Variants in ANXA6 observed in about 807,000 individuals in gnomAD.
ANXA6 encodes the protein 67 kDa calelectrin.
A neutral mutation model predicts 95.4 loss-of-function variants in ANXA6; 71 were observed. The ratio of observed to expected loss-of-function variants is 0.74; its 90% CI spans 0.61 to 0.91. The LOEUF is 0.91. Among genes scored for constraint, ANXA6 ranks in the 40% least tolerant of loss-of-function variants. ANXA6 has a pLI of 0.00. For missense variants in ANXA6, 830 were observed against 876.4 expected, an observed-to-expected ratio of 0.95 and a Z score of 0.67; for synonymous variants, 289 against 315.9, an observed-to-expected ratio of 0.91 and a Z score of 0.90.
Position 151,101,892 on chromosome 5 carries a change from T to C in ANXA6, c.1963-385A>G, listed in dbSNP as rs113570348. ...CAGGGCCCTCTCCTCTGAGAAGCAC[T>C]CTGGCCACTCTCTTGCGTCAGGAGG... On this transcript the variant is annotated intron_variant, in intron 25 of 25. Coordinates refer to ENST00000354546, the MANE Select transcript of ANXA6 (RefSeq NM_001155.5). Among the ~76,000 whole-genome samples, 604 of 152,302 alleles carry C rather than the reference T, an allele frequency of 4.0e-3. 3 individuals are homozygous for C. The highest frequency in any genetic ancestry group is 0.014 in the African/African-American group (577 of 41,562).
chr5:151,139,144 C>T (rs1435979183), intron 4 of ANXA6: 1 of 593,176 alleles, frequency 1.7e-6, no homozygotes, highest in East Asian at 2.8e-5. Flanking sequence ...AGCCCTAACA[C>T]CTAGCACGAG....
intron 1 of ANXA6, chr5:151,155,413 A>G (rs1766210637): frequency 6.6e-6 from 1 of 152,106 alleles, no homozygotes; most frequent in African/African-American, 2.4e-5. Context: ...CATTTTGCAG[A>G]TAGGCAGGAC....
Position 151,101,235 on chromosome 5 carries a change from T to C in ANXA6, c.*213A>G. The C allele has an allele frequency of 1.6e-6, 1 of 621,586 alleles. No homozygotes were observed. The highest frequency in any genetic ancestry group is 2.9e-6 in the Non-Finnish European group (1 of 343,460). The allele number at this position is 621,586 out of a possible 1,614,324, so 38.5% of individuals were successfully genotyped here. A position where few individuals can be genotyped will look rare whatever the true frequency, so the allele number is the denominator to read the frequency against. Reference sequence around the variant, plus strand: ...AGTGGAGGTGGACAGGATCTATGGCTACGGTTTTTCAGCCGCTCAGCCGTG... The same window carrying C: ...AGTGGAGGTGGACAGGATCTATGGCCACGGTTTTTCAGCCGCTCAGCCGTG... On this transcript the variant is annotated 3_prime_UTR_variant, in exon 26 of 26. Coordinates refer to ENST00000354546, the MANE Select transcript of ANXA6 (RefSeq NM_001155.5).
intron 8 of ANXA6, chr5:151,133,407 C>G: frequency 1.8e-6 from 1 of 544,740 alleles, no homozygotes; most frequent in Non-Finnish European, 3.3e-6. Flanking sequence ...TCATAGAGCA[C>G]TCGCACACAC....
chr5:151,128,364 G>GGGCT, intron 12 of ANXA6, 125 bp from the exon 13 acceptor site: 1 of 813,494 alleles, frequency 1.2e-6, no homozygotes, highest in Non-Finnish European at 2.0e-6. Flanking sequence ...TAGCAGCCCT[G>GGGCT]GCCCTCCTGT....
intron 3 of ANXA6, among the ~76,000 whole-genome samples, chr5:151,139,687 C>A (rs540418648): frequency 6.6e-6 from 1 of 152,330 alleles, no homozygotes; most frequent in Admixed American, 6.5e-5. Context: ...CTCCTCACTG[C>A]ACAAATCAGG....
chr5:151,132,614 T>C (rs756072739), intron 9 of ANXA6, 43 bp from the exon 10 acceptor site: 2 of 1,529,024 alleles, frequency 1.3e-6, no homozygotes, highest in Non-Finnish European at 1.8e-6. Flanking sequence ...AGTGCCTCTG[T>C]ACCCCCGAGA....
chr5:151,140,428 G>A (rs1461503515), intron 2 of ANXA6, 185 bp from the exon 3 acceptor site: 8 of 608,398 alleles, frequency 1.3e-5, no homozygotes, highest in African/African-American at 5.5e-5. Flanking sequence ...GCTGCAACCC[G>A]CCCAAAGGAC....
At chr5:151,104,300 C>G (rs1400311557) in intron 24 of ANXA6, among the ~76,000 whole-genome samples, 1 of 152,162 alleles carries the variant, frequency 6.6e-6, no homozygotes, top group Non-Finnish European at 1.5e-5. Flanking sequence ...TACACCAGCC[C>G]TAGGAAACTA....
chr5:151,135,740 GC>G (rs1464753186), intron 7 of ANXA6, among the ~76,000 whole-genome samples: 2 of 152,218 alleles, frequency 1.3e-5, no homozygotes, highest in South Asian at 2.1e-4. Context: ...TGGTTTTTGA[GC>G]AAAATCTCAC....
At position 151,126,500 on chromosome 5, in the gene ANXA6, G is replaced by C. The variant is rs1581996895; in HGVS notation, c.978-20C>G. On this transcript the variant is annotated intron_variant, in intron 13 of 25. Transcript: ENST00000354546. ...GCAGCACTGGAATGGAGGGGTTTAG[G>C]GAGAGGACAGGAAGGAATGTCATCA... The C allele has an allele frequency of 6.3e-7, 1 of 1,589,576 alleles. No individual in the cohort carries two copies. Among genetic ancestry groups the C allele is most frequent in the Non-Finnish European group, 8.6e-7 (1 of 1,166,906 alleles).
At chr5:151,105,953 A>G (rs1228164794) in intron 23 of ANXA6, among the ~76,000 whole-genome samples, 1 of 152,150 alleles carries the variant, frequency 6.6e-6, no homozygotes, top group Non-Finnish European at 1.5e-5. Context: ...CACCAACCTA[A>G]CAGCACTGAA....
chr5:151,116,647 T>C (rs1163204848), intron 20 of ANXA6, among the ~76,000 whole-genome samples: 1 of 152,226 alleles, frequency 6.6e-6, no homozygotes, highest in East Asian at 1.9e-4. Flanking sequence ...AAAATGAAGA[T>C]TCCAGCCCTT....
chr5:151,124,388 C>T (rs767565140), intron 14 of ANXA6, 21 bp from the exon 15 acceptor site: 2 of 1,599,144 alleles, frequency 1.3e-6, no homozygotes, highest in Non-Finnish European at 1.7e-6. Context: ...CAGAAAGAGA[C>T]TCAGCAGGTG....
intron 1 of ANXA6, among the ~76,000 whole-genome samples, chr5:151,149,780 G>T (rs190523659): frequency 6.6e-6 from 1 of 152,258 alleles, no homozygotes; most frequent in East Asian, 1.9e-4. Flanking sequence ...CACCAAGCCT[G>T]GCCTGATCTC....
chr5:151,144,045 G>A (rs1765911952), intron 2 of ANXA6, among the ~76,000 whole-genome samples: 1 of 152,198 alleles, frequency 6.6e-6, no homozygotes, highest in Non-Finnish European at 1.5e-5. Context: ...TCCACTAGAA[G>A]CGGGGAAGGC....
At chr5:151,147,960 C>A in intron 1 of ANXA6, 34 bp from the exon 2 acceptor site, 1 of 1,566,474 alleles carries the variant, frequency 6.4e-7, no homozygotes, top group South Asian at 1.2e-5. Context: ...TGAGATTCCC[C>A]CCAACTCTAA....
intron 25 of ANXA6, among the ~76,000 whole-genome samples, chr5:151,102,984 A>C (rs191543452): frequency 6.6e-6 from 1 of 152,108 alleles, no homozygotes; most frequent in East Asian, 1.9e-4. Context: ...TATGATATGT[A>C]AGTTTTTCGT....
At chr5:151,128,445 A>C in intron 12 of ANXA6, 1 of 556,148 alleles carries the variant, frequency 1.8e-6, no homozygotes, top group Non-Finnish European at 3.2e-6. Context: ...GCATTTGCCT[A>C]TTTCTGTGGT....
Sources: gnomAD v4.1 joint callset for allele counts (sites outside exome capture counted in the v4.1 genomes callset) on GRCh38, gnomAD v4.1.1 for gene constraint, MANE v1.5 for transcripts, NCBI Gene and HGNC (gene_info 2026-07-23, HGNC 2026-07-21) for gene names.